The following CCDC68 variants were observed in gnomAD, a reference collection of about 807,000 sequenced individuals.
CCDC68 encodes coiled-coil domain-containing protein 68.
CCDC68 carries 45 observed loss-of-function variants against 47.1 expected under a neutral mutation model. The observed-to-expected ratio is 0.96, with a 90% CI of 0.75 to 1.23. CCDC68 has a LOEUF of 1.23. Ranked by LOEUF, CCDC68 falls within the 50% of genes most tolerant of loss-of-function variation. The pLI is 0.00. For synonymous variants in CCDC68, 131 were observed against 129.5 expected, an observed-to-expected ratio of 1.01 and a Z score of -0.08; for missense variants, 353 against 373.6, an observed-to-expected ratio of 0.94 and a Z score of 0.45.
At chr18:54,946,411 C>A (rs927070093) in intron 1 of CCDC68, among the ~76,000 whole-genome samples, 3 of 152,192 alleles carry the variant, frequency 2.0e-5, no homozygotes, top group South Asian at 2.1e-4. Context: ...GCAAAGCAAT[C>A]GATCTGGCCT....
chr18:54,902,416 T>C lies in CCDC68; in HGVS notation c.*1942A>G, dbSNP rs764765264. The C allele has an allele frequency of 1.3e-5, 2 of 152,218 alleles. No homozygotes were observed. Among genetic ancestry groups the C allele is most frequent in the African/African-American group, 2.4e-5 (1 of 41,458 alleles). 9.4% of individuals were successfully genotyped at this position (152,218 alleles called of 1,614,324 possible). On this transcript the variant is annotated 3_prime_UTR_variant, in exon 12 of 12. Coordinates refer to ENST00000591504, the MANE Select transcript of CCDC68 (RefSeq NM_025214.3). ...AGGAATCTGGTCTCCTAGTAAAAGA[T>C]GGATTCTCTTACTACACTGCAAATA... is the stretch of plus-strand genomic sequence containing the variant.
intron 4 of CCDC68, among the ~76,000 whole-genome samples, chr18:54,939,145 G>C (rs1568155099): frequency 6.6e-6 from 1 of 152,214 alleles, no homozygotes; most frequent in Non-Finnish European, 1.5e-5. Context: ...AAAGAACTTA[G>C]TGTATGTGGA....
chr18:54,948,443 T>C (rs989488224), intron 1 of CCDC68, among the ~76,000 whole-genome samples: 2 of 152,186 alleles, frequency 1.3e-5, no homozygotes, highest in Non-Finnish European at 2.9e-5. Flanking sequence ...TGCAGACACC[T>C]TGATCTTGAA....
intron 7 of CCDC68, 114 bp from the exon 8 acceptor site, chr18:54,928,996 T>C: frequency 1.5e-6 from 1 of 656,962 alleles, no homozygotes; most frequent in East Asian, 2.7e-5. Flanking sequence ...TCACATGTGC[T>C]GTTACTCCTC....
chr18:54,954,027 C>T (rs1175293666), intron 1 of CCDC68, among the ~76,000 whole-genome samples: 5 of 122,318 alleles, frequency 4.1e-5, no homozygotes, highest in South Asian at 3.1e-4. Flanking sequence ...CCTTCCCTTC[C>T]CTTCCCTCCT....
chr18:54,934,787 G>A (rs1221672168), intron 7 of CCDC68, 33 bp downstream of exon 7: 2 of 1,393,660 alleles, frequency 1.4e-6, no homozygotes, highest in East Asian at 2.7e-5. Context: ...AATGCTGTCA[G>A]TAAGAAAATC....
chr18:54,933,519 G>A (rs183651325), intron 7 of CCDC68, among the ~76,000 whole-genome samples: 16 of 152,268 alleles, frequency 1.1e-4, no homozygotes, highest in Middle Eastern at 3.4e-3. Flanking sequence ...CAATTTATTC[G>A]TTTCCCAGAA....
Position 54,928,889 on chromosome 18 carries a change from G to T in CCDC68, c.601-7C>A. The T allele has an allele frequency of 1.3e-6, 2 of 1,572,260 alleles. No individual in the cohort carries two copies. Among genetic ancestry groups the T allele is most frequent in the Non-Finnish European group, 1.8e-6 (2 of 1,142,694 alleles). ...CTAGTAGTGTTCTCTTTTCCTAGGAGAAAATAAGATACAAATTTTGCTAAA... is the reference window on the plus strand; with the variant it reads ...CTAGTAGTGTTCTCTTTTCCTAGGATAAAATAAGATACAAATTTTGCTAAA... On this transcript the variant is annotated splice_polypyrimidine_tract_variant and splice_region_variant and intron_variant, in intron 7 of 11. Transcript: ENST00000591504.
At chr18:54,928,944 T>G (rs2044195405) in intron 7 of CCDC68, 62 bp from the exon 8 acceptor site, 6 of 865,580 alleles carry the variant, frequency 6.9e-6, no homozygotes, top group East Asian at 2.5e-5. Flanking sequence ...AAGGCCTTCC[T>G]CTTGTCATAC....
At position 54,945,444 on chromosome 18, in the gene CCDC68, C is replaced by A. The variant is rs1364427347; in HGVS notation, c.-69G>T. Reference sequence around the variant, plus strand: ...CGCCAACCTTGGTCTTTTAGAAGTTCAGAGATGTTTCCATCATATTAAGAC... The same window carrying A: ...CGCCAACCTTGGTCTTTTAGAAGTTAAGAGATGTTTCCATCATATTAAGAC... On this transcript the variant is annotated 5_prime_UTR_variant, in exon 2 of 12. Transcript: ENST00000591504. The A allele has an allele frequency of 2.0e-5, 3 of 152,028 alleles. No homozygotes were observed. Among genetic ancestry groups the A allele is most frequent in the African/African-American group, 7.3e-5 (3 of 41,376 alleles). 9.4% of individuals were successfully genotyped at this position (152,028 alleles called of 1,614,324 possible). A position where few individuals can be genotyped will look rare whatever the true frequency, so the allele number is the denominator to read the frequency against.
intron 4 of CCDC68, among the ~76,000 whole-genome samples, chr18:54,939,049 G>A (rs1189757605): frequency 6.6e-6 from 1 of 152,130 alleles, no homozygotes; most frequent in Non-Finnish European, 1.5e-5. Flanking sequence ...TGCCAGACCA[G>A]AATTAGAATC....
chr18:54,936,659 C>T (rs1167329104), intron 6 of CCDC68, among the ~76,000 whole-genome samples, 174 bp downstream of exon 6: 2 of 152,154 alleles, frequency 1.3e-5, no homozygotes, highest in Non-Finnish European at 2.9e-5. Context: ...GGGTGTCCGG[C>T]TAAGCAGGGG....
Position 54,917,892 on chromosome 18 carries a change from TA to T in CCDC68, c.873+20del. The T allele has an allele frequency of 7.0e-7, 1 of 1,437,164 alleles. No individual in the cohort carries two copies. Among genetic ancestry groups the T allele is most frequent in the Non-Finnish European group, 9.8e-7 (1 of 1,021,950 alleles). The allele number at this position is 1,437,164 out of a possible 1,614,324, so 89.0% of individuals were successfully genotyped here. A position where few individuals can be genotyped will look rare whatever the true frequency, so the allele number is the denominator to read the frequency against. ...ACACTCACACCCTCACAACAAAATG[TA>T]AGACAGGTTCCCTCCTTACCTGGGC... On this transcript the variant is annotated intron_variant, in intron 10 of 11. Coordinates refer to ENST00000591504, the MANE Select transcript of CCDC68 (RefSeq NM_025214.3).
At chr18:54,922,208 G>A (rs1190255527) in intron 8 of CCDC68, among the ~76,000 whole-genome samples, 1 of 152,152 alleles carries the variant, frequency 6.6e-6, no homozygotes, top group Non-Finnish European at 1.5e-5. Flanking sequence ...GAGGCTTCTT[G>A]AGGCACGGGA....
At chr18:54,919,452 C>A in intron 8 of CCDC68, 76 bp from the exon 9 acceptor site, 1 of 1,218,564 alleles carries the variant, frequency 8.2e-7, no homozygotes, top group Middle Eastern at 2.6e-4. Flanking sequence ...TACTGCTAGC[C>A]CTCCTACACA....
chr18:54,918,492 A>C (rs1158210055), intron 9 of CCDC68, among the ~76,000 whole-genome samples: 1 of 152,232 alleles, frequency 6.6e-6, no homozygotes, highest in African/African-American at 2.4e-5. Flanking sequence ...GAGAGGGGAC[A>C]CAAGGATTCT....
chr18:54,908,038 G>C (rs6566950), intron 10 of CCDC68, among the ~76,000 whole-genome samples, 176 bp from the exon 11 acceptor site: 149,646 of 152,340 alleles, frequency 0.98, 73,573 homozygotes, highest in East Asian at 1. Flanking sequence ...TATCTCTGAA[G>C]ATGCAGATAC....
At chr18:54,920,420 T>C in intron 8 of CCDC68, among the ~76,000 whole-genome samples, 1 of 152,100 alleles carries the variant, frequency 6.6e-6, no homozygotes, top group African/African-American at 2.4e-5. Flanking sequence ...TTTGTATTTT[T>C]AGTAGAGATG....
chr18:54,929,881 T>G (rs539030716), intron 7 of CCDC68, among the ~76,000 whole-genome samples: 36 of 152,310 alleles, frequency 2.4e-4, no homozygotes, highest in African/African-American at 8.4e-4. Context: ...TAACCCAAAC[T>G]TGGAAATAAA....
Sources: gnomAD v4.1 joint callset for allele counts (sites outside exome capture counted in the v4.1 genomes callset) on GRCh38, gnomAD v4.1.1 for gene constraint, MANE v1.5 for transcripts, NCBI Gene and HGNC (gene_info 2026-07-23, HGNC 2026-07-21) for gene names.